The following NRXN3 variants were observed in gnomAD, a reference collection of about 807,000 sequenced individuals.
NRXN3 encodes neurexin 3.
Under a neutral mutation model 137.6 loss-of-function variants are expected in NRXN3, and 32 were observed. The observed-to-expected ratio is 0.23, with a 90% confidence interval of 0.18 to 0.31. The LOEUF (loss-of-function observed/expected upper bound fraction) is 0.31, where lower values mean the gene tolerates loss of function less well. Among genes scored for constraint, NRXN3 ranks in the 10% least tolerant of loss-of-function variants. NRXN3 has a pLI of 1.00. For synonymous variants in NRXN3, 798 were observed against 784.5 expected (o/e 1.02, Z -0.29); for missense variants, 1,574 against 2,062.5 (o/e 0.76, Z 4.59).
At chr14:79,247,665 CTCTTT>C (rs756102756) in intron 15 of NRXN3, among the ~76,000 whole-genome samples, 1 of 152,006 alleles carries the variant, frequency 6.6e-6, no homozygotes, top group Non-Finnish European at 1.5e-5. Context: ...TTGTCTTATT[CTCTTT>C]TATTTTCATT....
intron 19 of NRXN3, among the ~76,000 whole-genome samples, chr14:79,740,928 A>T (rs1056864567): frequency 6.6e-6 from 1 of 151,060 alleles, no homozygotes; most frequent in African/African-American, 2.4e-5. Flanking sequence ...TTTTTATCTC[A>T]GTTCTAAAAC....
intron 16 of NRXN3, among the ~76,000 whole-genome samples, chr14:79,608,007 A>G (rs920428577): frequency 2.6e-5 from 4 of 152,186 alleles, no homozygotes; most frequent in Admixed American, 6.5e-5. Flanking sequence ...CTAGGGCTTT[A>G]TGATCCCATA....
intron 10 of NRXN3, among the ~76,000 whole-genome samples, chr14:78,924,658 G>A (rs2099280120): frequency 6.6e-6 from 1 of 152,004 alleles, no homozygotes; most frequent in African/African-American, 2.4e-5. Context: ...AAAAATTTTA[G>A]CCTAGTAATT....
At chr14:78,726,604 G>T (rs1174919033) in intron 8 of NRXN3, among the ~76,000 whole-genome samples, 1 of 137,574 alleles carries the variant, frequency 7.3e-6, no homozygotes, top group Non-Finnish European at 1.5e-5. Flanking sequence ...TGCAACTCCT[G>T]CTCCCTGGGC....
chr14:79,533,331 G>A (rs1292025452), intron 16 of NRXN3, among the ~76,000 whole-genome samples: 2 of 152,210 alleles, frequency 1.3e-5, no homozygotes, highest in East Asian at 3.9e-4. Context: ...ATAGGATGAA[G>A]GTGAAGTTCT....
At chr14:79,730,856 G>A (rs1003729282) in intron 19 of NRXN3, among the ~76,000 whole-genome samples, 7 of 152,174 alleles carry the variant, frequency 4.6e-5, no homozygotes, top group African/African-American at 7.2e-5. Context: ...AACCCGGTCA[G>A]TAAATTATTT....
Position 78,181,889 on chromosome 14 carries a change from A to G in NRXN3, c.-704+11215A>G, listed in dbSNP as rs554680902. Among the ~76,000 whole-genome samples, 18 of 152,244 alleles carry G rather than the reference A, an allele frequency of 1.2e-4. No individual in the cohort carries two copies. In the South Asian group the frequency reaches 3.5e-3, roughly 30 times the overall value. ...TTTCATTCATTTGTTCATCCAGCAG[A>G]TATTTATTAAACACCTATTATATGC... is the stretch of plus-strand genomic sequence containing the variant. On this transcript the variant is annotated intron_variant, in intron 1 of 20. Transcript: ENST00000335750.
intron 4 of NRXN3, among the ~76,000 whole-genome samples, chr14:78,628,180 C>T (rs1205512576): frequency 6.6e-6 from 1 of 151,728 alleles, no homozygotes; most frequent in Admixed American, 6.6e-5. Flanking sequence ...TCAAACAACA[C>T]TCCTGCCTCA....
chr14:79,343,847 C>T (rs1368817725), intron 15 of NRXN3, among the ~76,000 whole-genome samples: 1 of 152,112 alleles, frequency 6.6e-6, no homozygotes, highest in African/African-American at 2.4e-5. Context: ...CTCTCTTACC[C>T]AGGCTGATCT....
At chr14:79,454,214 G>A (rs908052086) in intron 15 of NRXN3, among the ~76,000 whole-genome samples, 4 of 152,068 alleles carry the variant, frequency 2.6e-5, no homozygotes, top group Non-Finnish European at 5.9e-5. Context: ...CTTCCAAGAA[G>A]CTGGGACTAC....
chr14:79,537,809 T>G (rs946616723), intron 16 of NRXN3, among the ~76,000 whole-genome samples: 35 of 152,228 alleles, frequency 2.3e-4, no homozygotes, highest in Non-Finnish European at 3.7e-4. Flanking sequence ...ATATACCCAC[T>G]AATGGGATTG....
chr14:78,625,109 G>A lies in NRXN3; in HGVS notation c.758-20011G>A, dbSNP rs550547668. Among the ~76,000 whole-genome samples, 8 of 152,246 alleles carry A rather than the reference G, an allele frequency of 5.3e-5. No homozygotes were observed. In the South Asian group the frequency reaches 1.7e-3, roughly 32 times the overall value. On this transcript the variant is annotated intron_variant, in intron 4 of 20. Coordinates refer to ENST00000335750, the MANE Select transcript of NRXN3 (RefSeq NM_001330195.2). Reference sequence around the variant, plus strand: ...CCCGCCTTGGCCTCCCAAAGTGTTGGGATTACAGGCGTGAGCCACCGCACC... The same window carrying A: ...CCCGCCTTGGCCTCCCAAAGTGTTGAGATTACAGGCGTGAGCCACCGCACC...
intron 16 of NRXN3, among the ~76,000 whole-genome samples, chr14:79,554,327 C>T (rs142390916): frequency 2.6e-4 from 40 of 152,272 alleles, no homozygotes; most frequent in Non-Finnish European, 4.9e-4. Context: ...GTTGCTGAAA[C>T]ACGTTGTCTA....
chr14:79,063,492 C>T (rs1335020063), intron 15 of NRXN3, among the ~76,000 whole-genome samples: 1 of 152,136 alleles, frequency 6.6e-6, no homozygotes, highest in East Asian at 1.9e-4. Context: ...TCATGTTGGT[C>T]AGGCTGGTCT....
chr14:79,554,260 C>A (rs1366502910), intron 16 of NRXN3, among the ~76,000 whole-genome samples: 1 of 152,094 alleles, frequency 6.6e-6, no homozygotes, highest in East Asian at 1.9e-4. Flanking sequence ...AGGCAGGAAT[C>A]TGGGTGGGGA....
chr14:78,184,618 T>A (rs1183391923), intron 1 of NRXN3, among the ~76,000 whole-genome samples: 4 of 152,220 alleles, frequency 2.6e-5, no homozygotes. Flanking sequence ...TTTCTCCAAA[T>A]GAGAGGTTTA....
chr14:79,796,780 C>T (rs2099162201), intron 19 of NRXN3, among the ~76,000 whole-genome samples: 1 of 152,124 alleles, frequency 6.6e-6, no homozygotes, highest in Admixed American at 6.5e-5. Context: ...AAAGAATATG[C>T]TGGCTATTGA....
rs191644588 is a variant in NRXN3 at position 78,995,690 on chromosome 14, A to G, written c.3262+7549A>G. On this transcript the variant is annotated intron_variant, in intron 15 of 20. Coordinates refer to ENST00000335750, the MANE Select transcript of NRXN3 (RefSeq NM_001330195.2). ...CATGACTCATACAAATATAATTATT[A>G]TAAAGTTAAAAACAAAACACTCATG... 2.3e-3 allele frequency among the ~76,000 whole-genome samples: 348 copies of G among 152,338 alleles called. 2 individuals carry two copies. Among genetic ancestry groups the G allele is most frequent in the African/African-American group, 8.1e-3 (337 of 41,568 alleles).
At chr14:78,954,819 C>T (rs1245074158) in intron 10 of NRXN3, among the ~76,000 whole-genome samples, 1 of 147,042 alleles carries the variant, frequency 6.8e-6, no homozygotes, top group Non-Finnish European at 1.5e-5. Flanking sequence ...CATCACATTC[C>T]AAAGTTTTAC....
Sources: allele counts gnomAD v4.1 joint callset (sites outside exome capture counted in the v4.1 genomes callset), GRCh38; gene constraint gnomAD v4.1.1; transcripts MANE v1.5; gene names NCBI Gene and HGNC (gene_info 2026-07-23, HGNC 2026-07-21).